GSTA3: variants seen among roughly 807,000 people sequenced by gnomAD.
GSTA3 encodes glutathione S-transferase A3.
A neutral mutation model predicts 23.1 loss-of-function variants in GSTA3; 16 were observed. The observed-to-expected ratio is 0.69, with a 90% confidence interval of 0.47 to 1.05. GSTA3 has a LOEUF of 1.05. Among genes scored for constraint, GSTA3 ranks in the 50% least tolerant of loss-of-function variants. The pLI, the probability that GSTA3 is intolerant of heterozygous loss-of-function variation, is 0.00. For synonymous variants in GSTA3, 122 were observed against 91.0 expected, an observed-to-expected ratio of 1.34 and a Z score of -1.94; for missense variants, 319 against 263.6, an observed-to-expected ratio of 1.21 and a Z score of -1.46.
At chr6:52,905,593 G>T (rs1166119987) in intron 2 of GSTA3, among the ~76,000 whole-genome samples, 155 bp downstream of exon 2, 1 of 149,278 alleles carries the variant, frequency 6.7e-6, no homozygotes, top group East Asian at 2.0e-4. Context: ...ATTTTCATTT[G>T]GTAAAATTTG....
intron 5 of GSTA3, 54 bp from the exon 6 acceptor site, chr6:52,898,010 C>A: frequency 2.5e-6 from 4 of 1,598,918 alleles, no homozygotes; most frequent in Non-Finnish European, 3.4e-6. Flanking sequence ...GGATGGGACC[C>A]CTGCTTCTCC....
chr6:52,902,759 T>C (rs1314186330), intron 3 of GSTA3, among the ~76,000 whole-genome samples: 1 of 152,204 alleles, frequency 6.6e-6, no homozygotes, highest in African/African-American at 2.4e-5. Context: ...ATCGTCATGA[T>C]ATTTTAGGAA....
intron 1 of GSTA3, among the ~76,000 whole-genome samples, chr6:52,907,106 CA>C (rs1252791748): frequency 2.1e-4 from 30 of 146,204 alleles, no homozygotes; most frequent in African/African-American, 7.0e-4. Context: ...TGAACTCAAA[CA>C]AATTTACAAG....
chr6:52,905,493 C>T (rs1189223860), intron 2 of GSTA3, among the ~76,000 whole-genome samples: 2 of 151,894 alleles, frequency 1.3e-5, no homozygotes, highest in African/African-American at 4.8e-5. Context: ...AAATAAGGTC[C>T]ACTCATTGTG....
intron 1 of GSTA3, among the ~76,000 whole-genome samples, chr6:52,906,436 CTT>C (rs1765891823): frequency 6.6e-6 from 1 of 152,182 alleles, no homozygotes; most frequent in East Asian, 1.9e-4. Flanking sequence ...CTACCAATGA[CTT>C]TCTTCACAGA....
intron 1 of GSTA3, among the ~76,000 whole-genome samples, chr6:52,908,902 C>G (rs1386199400): frequency 6.6e-6 from 1 of 151,742 alleles, no homozygotes; most frequent in East Asian, 1.9e-4. Flanking sequence ...ACCCTTTGGT[C>G]CCAGATACTT....
intron 1 of GSTA3, among the ~76,000 whole-genome samples, chr6:52,906,475 T>C (rs1229988503): frequency 1.3e-5 from 2 of 152,158 alleles, no homozygotes; most frequent in African/African-American, 4.8e-5. Context: ...TTAAAGTTCA[T>C]ATGGAACAAA....
chr6:52,905,995 T>A (rs1255599439), intron 1 of GSTA3, 140 bp from the exon 2 acceptor site: 2 of 485,720 alleles, frequency 4.1e-6, no homozygotes, highest in African/African-American at 4.1e-5. Context: ...GAATTCTGTT[T>A]GCACTAGACA....
At position 52,896,721 on chromosome 6, in the gene GSTA3, C is replaced by A. The variant is rs2127351315; in HGVS notation, c.*85G>T. On this transcript the variant is annotated 3_prime_UTR_variant, in exon 7 of 7. Coordinates refer to ENST00000211122, the MANE Select transcript of GSTA3 (RefSeq NM_000847.5). ...GGGTTCATTAGCTTTACAACAGGCACAATCAACACTTAAGTAAAGCACTTC... is the reference window on the plus strand; with the variant it reads ...GGGTTCATTAGCTTTACAACAGGCAAAATCAACACTTAAGTAAAGCACTTC... 5 of 1,489,092 alleles carry A rather than the reference C, an allele frequency of 3.4e-6. No homozygotes were observed. In the East Asian group the frequency reaches 6.8e-5, roughly 20 times the overall value. 92.2% of individuals were successfully genotyped at this position (1,489,092 alleles called of 1,614,324 possible).
At chr6:52,901,480 T>C (rs1033305454) in intron 4 of GSTA3, among the ~76,000 whole-genome samples, 1 of 152,266 alleles carries the variant, frequency 6.6e-6, no homozygotes, top group African/African-American at 2.4e-5. Flanking sequence ...GAGTAAATAT[T>C]GTTCCATTGC....
At chr6:52,909,545 C>T (rs951731590) in intron 1 of GSTA3, 96 bp downstream of exon 1, 5 of 152,166 alleles carry the variant, frequency 3.3e-5, no homozygotes, top group Admixed American at 2.0e-4. Flanking sequence ...ACAGCAAGAA[C>T]ATAAAGTACT....
intron 6 of GSTA3, among the ~76,000 whole-genome samples, chr6:52,897,619 G>A (rs987873590): frequency 6.6e-6 from 1 of 152,144 alleles, no homozygotes; most frequent in Middle Eastern, 3.2e-3. Context: ...ACTTTTCATG[G>A]GGTAGCATGA....
Position 52,897,985 on chromosome 6 carries a change from A to T in GSTA3, c.415-29T>A, listed in dbSNP as rs1269947616. The T allele has an allele frequency of 1.9e-6, 3 of 1,613,404 alleles. No homozygotes were observed. In the African/African-American group the frequency reaches 4.0e-5, roughly 22 times the overall value. On this transcript the variant is annotated intron_variant, in intron 5 of 6. Coordinates refer to ENST00000211122, the MANE Select transcript of GSTA3 (RefSeq NM_000847.5). ...GAGAATTTGAGGAATCAGATCAGGA[A>T]TACATGCGCACCCAGGATGGGACCC...
chr6:52,905,845 T>C lies in GSTA3; in HGVS notation c.-11A>G. 6.5e-7 allele frequency: 1 copy of C among 1,528,864 alleles called. No individual in the cohort carries two copies. The highest frequency in any genetic ancestry group is 9.0e-7 in the Non-Finnish European group (1 of 1,108,012). The allele number at this position is 1,528,864 out of a possible 1,614,324, so 94.7% of individuals were successfully genotyped here. A position where few individuals can be genotyped will look rare whatever the true frequency, so the allele number is the denominator to read the frequency against. On this transcript the variant is annotated 5_prime_UTR_variant, in exon 2 of 7. Transcript: ENST00000211122. Reference sequence around the variant, plus strand: ...GGGCTTCCCTGCCATGGTAACAGTCTCTTGGTTTCTCTAAAATGAATGAAT... The same window carrying C: ...GGGCTTCCCTGCCATGGTAACAGTCCCTTGGTTTCTCTAAAATGAATGAAT...
chr6:52,898,256 T>A (rs1000742786), intron 5 of GSTA3, among the ~76,000 whole-genome samples: 27 of 152,158 alleles, frequency 1.8e-4, no homozygotes, highest in African/African-American at 6.5e-4. Flanking sequence ...TGCTACTGCA[T>A]GTTCTGTCTG....
At chr6:52,900,692 G>C (rs1765652751) in intron 4 of GSTA3, among the ~76,000 whole-genome samples, 1 of 152,136 alleles carries the variant, frequency 6.6e-6, no homozygotes, top group Admixed American at 6.5e-5. Context: ...GAAATTGGTG[G>C]AATCACTGCC....
chr6:52,897,873 A>G lies in GSTA3; in HGVS notation c.498T>C (p.Tyr166=), dbSNP rs1411624372. 6.2e-7 allele frequency: 1 copy of G among 1,613,858 alleles called. No homozygotes were observed. Among genetic ancestry groups the G allele is most frequent in the East Asian group, 2.2e-5 (1 of 44,868 alleles). The change falls in exon 6 of 7, where the codon TAT becomes TAC. Residue 166 remains tyrosine, a synonymous_variant. Transcript: ENST00000211122. Reference sequence around the variant, plus strand: ...TAAGGCTGGAGTCAAGCTCTTCCACATAGTAGAGAAGTTCCACCAGGCTAA... The same window carrying G: ...TAAGGCTGGAGTCAAGCTCTTCCACGTAGTAGAGAAGTTCCACCAGGCTAA... ...ADISLVELLY[Y]VEELDSSLIS...
intron 5 of GSTA3, among the ~76,000 whole-genome samples, chr6:52,898,323 C>G (rs1228310149): frequency 2.0e-5 from 3 of 152,090 alleles, no homozygotes; most frequent in South Asian, 2.1e-4. Flanking sequence ...ACAATCTGCT[C>G]TCTCCCTCTC....
chr6:52,897,192 A>G (rs1423181955), intron 6 of GSTA3, among the ~76,000 whole-genome samples: 4 of 152,282 alleles, frequency 2.6e-5, no homozygotes, highest in Non-Finnish European at 5.9e-5. Context: ...CCTGTAGATT[A>G]GTGACTCTTG....
Sources: gnomAD v4.1 joint callset for allele counts (sites outside exome capture counted in the v4.1 genomes callset) on GRCh38, gnomAD v4.1.1 for gene constraint, MANE v1.5 for transcripts, NCBI Gene and HGNC (gene_info 2026-07-23, HGNC 2026-07-21) for gene names.